Variants in DLG2 observed in about 807,000 individuals in gnomAD.
The protein encoded by DLG2 is discs large MAGUK scaffold protein 2, also known as disks large homolog 2.
In DLG2, 45 loss-of-function variants were observed where a neutral mutation model predicts 132.5. The ratio of observed to expected loss-of-function variants is 0.34; its 90% CI spans 0.27 to 0.44. The LOEUF (loss-of-function observed/expected upper bound fraction) is 0.44. DLG2 is among the 20% of genes least tolerant of loss of function. The probability of loss-of-function intolerance (pLI) is 1.00; values close to 1 mark genes in which losing one functional copy is unlikely to be tolerated. For missense variants in DLG2, 1,045 were observed against 1,196.9 expected, an observed-to-expected ratio of 0.87 and a Z score of 1.87; for synonymous variants, 424 against 419.6, an observed-to-expected ratio of 1.01 and a Z score of -0.13.
At chr11:83,660,129 G>A (rs1040032917) in intron 18 of DLG2, among the ~76,000 whole-genome samples, 1 of 152,176 alleles carries the variant, frequency 6.6e-6, no homozygotes, top group South Asian at 2.1e-4. Flanking sequence ...CAAAAGGATA[G>A]GTTTTTGTTA....
intron 18 of DLG2, among the ~76,000 whole-genome samples, chr11:83,678,504 A>T (rs12803579): frequency 0.041 from 6,306 of 152,248 alleles, 184 homozygotes; most frequent in Middle Eastern, 0.092. Context: ...AGCAGTGATT[A>T]ACAGCATCCA....
intron 18 of DLG2, among the ~76,000 whole-genome samples, chr11:83,750,578 T>G (rs556277205): frequency 6.6e-6 from 1 of 152,198 alleles, no homozygotes; most frequent in Non-Finnish European, 1.5e-5. Context: ...GTTCTACATA[T>G]AGACATTTCA....
At chr11:84,767,626 T>A (rs928420887) in intron 6 of DLG2, among the ~76,000 whole-genome samples, 6 of 149,954 alleles carry the variant, frequency 4.0e-5, no homozygotes, top group African/African-American at 1.5e-4. Context: ...CTGTCAAGAT[T>A]TTTTTTTTTA....
intron 16 of DLG2, among the ~76,000 whole-genome samples, chr11:83,853,552 A>G (rs1210820754): frequency 6.6e-6 from 1 of 152,212 alleles, no homozygotes; most frequent in East Asian, 1.9e-4. Context: ...AAGCCAGAAC[A>G]CTAAAGTTAT....
At chr11:85,368,158 T>C (rs2152912166) in intron 3 of DLG2, among the ~76,000 whole-genome samples, 1 of 152,362 alleles carries the variant, frequency 6.6e-6, no homozygotes, top group South Asian at 2.1e-4. Flanking sequence ...AATTTTAATT[T>C]ATTCCAAGGT....
At chr11:85,620,259 T>C (rs2081607427) in intron 2 of DLG2, among the ~76,000 whole-genome samples, 1 of 152,206 alleles carries the variant, frequency 6.6e-6, no homozygotes, top group African/African-American at 2.4e-5. Context: ...AATCTGTAAA[T>C]GTTGTGTGTT....
chr11:84,713,553 C>T (rs1338495000), intron 6 of DLG2, among the ~76,000 whole-genome samples: 2 of 152,002 alleles, frequency 1.3e-5, no homozygotes, highest in East Asian at 1.9e-4. Flanking sequence ...GCAATATAGT[C>T]GTGAGACTCC....
intron 6 of DLG2, among the ~76,000 whole-genome samples, chr11:84,952,496 G>A (rs1265079110): frequency 6.6e-6 from 1 of 151,002 alleles, no homozygotes; most frequent in African/African-American, 2.4e-5. Context: ...CCGCCTGGGC[G>A]ACAGAACGAG....
chr11:84,919,873 A>T (rs1391131773), intron 6 of DLG2, among the ~76,000 whole-genome samples: 1 of 152,224 alleles, frequency 6.6e-6, no homozygotes, highest in African/African-American at 2.4e-5. Context: ...ATGGAAACTG[A>T]ACTGTGTACG....
At chr11:84,538,476 C>T (rs1398592978) in intron 6 of DLG2, among the ~76,000 whole-genome samples, 9 of 152,206 alleles carry the variant, frequency 5.9e-5, no homozygotes, top group Middle Eastern at 3.2e-3. Flanking sequence ...TCATACCTCA[C>T]GGTGAGACAA....
chr11:85,420,883 A>C (rs757139848), intron 3 of DLG2, among the ~76,000 whole-genome samples: 3 of 152,250 alleles, frequency 2.0e-5, no homozygotes, highest in Non-Finnish European at 2.9e-5. Flanking sequence ...CCCTGGCCGC[A>C]GGATCCACTG....
intron 4 of DLG2, among the ~76,000 whole-genome samples, chr11:85,213,404 G>T (rs1049584012): frequency 3.9e-5 from 6 of 152,010 alleles, no homozygotes; most frequent in Admixed American, 2.0e-4. Context: ...AGCTGAGTGG[G>T]GGTGGGGGTG....
intron 7 of DLG2, among the ~76,000 whole-genome samples, chr11:84,413,339 A>C (rs1007296726): frequency 2.6e-5 from 4 of 152,210 alleles, no homozygotes; most frequent in Admixed American, 1.3e-4. Flanking sequence ...GTGGTATTTC[A>C]ATTGGGTTTT....
intron 6 of DLG2, among the ~76,000 whole-genome samples, chr11:84,608,943 C>T (rs909423271): frequency 1.1e-4 from 17 of 152,202 alleles, no homozygotes; most frequent in African/African-American, 3.9e-4. Flanking sequence ...GAGGGTCACA[C>T]ATCTAGTAAG....
chr11:83,800,733 G>C (rs1191016196), intron 17 of DLG2, among the ~76,000 whole-genome samples: 1 of 152,126 alleles, frequency 6.6e-6, no homozygotes, highest in Non-Finnish European at 1.5e-5. Flanking sequence ...GATTATTTTG[G>C]AATCTTTAAA....
intron 7 of DLG2, among the ~76,000 whole-genome samples, chr11:84,456,944 A>G (rs957199423): frequency 6.6e-6 from 1 of 151,300 alleles, no homozygotes; most frequent in African/African-American, 2.4e-5. Flanking sequence ...AAAAAAAGGT[A>G]CAGCAACATT....
At chr11:84,711,391 C>CT (rs2060429943) in intron 6 of DLG2, among the ~76,000 whole-genome samples, 1 of 128,694 alleles carries the variant, frequency 7.8e-6, no homozygotes, top group South Asian at 2.8e-4. Context: ...ATCGATCGAT[C>CT]TAGCTATCCT....
At chr11:85,281,568 A>G (rs1386895249) in intron 4 of DLG2, among the ~76,000 whole-genome samples, 1 of 152,060 alleles carries the variant, frequency 6.6e-6, no homozygotes, top group South Asian at 2.1e-4. Flanking sequence ...CAACTCATTC[A>G]TATGCTCAAA....
chr11:83,904,706 A>G (rs10898178), intron 15 of DLG2, among the ~76,000 whole-genome samples: 50,612 of 151,376 alleles, frequency 0.33, 8,771 homozygotes, highest in East Asian at 0.51. Context: ...GCATTTCTCC[A>G]TAGTAAAGAC....
Sources: allele counts gnomAD v4.1 joint callset (sites outside exome capture counted in the v4.1 genomes callset), GRCh38; gene constraint gnomAD v4.1.1; transcripts MANE v1.5; gene names NCBI Gene and HGNC (gene_info 2026-07-23, HGNC 2026-07-21).